MED12L: variants seen among roughly 807,000 people sequenced by gnomAD.
MED12L encodes mediator complex subunit 12L.
Under a neutral mutation model 281.3 loss-of-function variants are expected in MED12L, and 60 were observed. The ratio of observed to expected loss-of-function variants is 0.21; its 90% confidence interval spans 0.17 to 0.26. MED12L has a LOEUF of 0.26. MED12L is among the 10% of genes least tolerant of loss of function. The pLI is 1.00. For synonymous variants in MED12L, 974 were observed against 987.2 expected (o/e 0.99, Z 0.25); for missense variants, 2,146 against 2,680.9 (o/e 0.80, Z 4.41).
rs1260282744 is a variant in MED12L at position 151,086,678 on chromosome 3, G to A, written c.-129-120G>A. ...CTCTAGTCCCTCCGCCGCCGCCACC[G>A]GAGCGGTGCGTCCCGGGGCTCGAGC... On this transcript the variant is annotated intron_variant, in intron 1 of 44. Transcript: ENST00000687756. 1.4e-5 allele frequency: 5 copies of A among 360,182 alleles called. No individual in the cohort carries two copies. The Admixed American group carries it at 1.8e-4, about 13-fold the overall frequency. The allele number at this position is 360,182 out of a possible 1,614,324, so 22.3% of individuals were successfully genotyped here.
chr3:151,289,907 G>A (rs1467427388), intron 16 of MED12L, among the ~76,000 whole-genome samples: 1 of 150,764 alleles, frequency 6.6e-6, no homozygotes, highest in African/African-American at 2.4e-5. Flanking sequence ...TAAAGACAGA[G>A]TCTTGCTCTG....
At chr3:151,238,473 C>T (rs552444682) in intron 16 of MED12L, among the ~76,000 whole-genome samples, 4 of 152,206 alleles carry the variant, frequency 2.6e-5, no homozygotes, top group Non-Finnish European at 5.9e-5. Context: ...AAAATGTGGT[C>T]TGCAGAACCA....
chr3:151,295,710 G>A (rs1744990895), intron 16 of MED12L, among the ~76,000 whole-genome samples: 1 of 152,104 alleles, frequency 6.6e-6, no homozygotes. Flanking sequence ...TAAAACTAGT[G>A]GGTCATTTTG....
intron 16 of MED12L, among the ~76,000 whole-genome samples, chr3:151,283,516 T>C (rs767440623): frequency 1.4e-4 from 22 of 152,268 alleles, no homozygotes; most frequent in Non-Finnish European, 2.8e-4. Context: ...CTTCCTGTTG[T>C]TCCCATTTGC....
intron 16 of MED12L, among the ~76,000 whole-genome samples, chr3:151,249,580 C>T (rs1028216860): frequency 1.3e-5 from 2 of 152,144 alleles, no homozygotes; most frequent in Non-Finnish European, 2.9e-5. Context: ...CTCCTCTAGA[C>T]TTATCCTGGT....
intron 16 of MED12L, among the ~76,000 whole-genome samples, chr3:151,285,678 A>G (rs1363372329): frequency 2.6e-5 from 4 of 151,636 alleles, no homozygotes; most frequent in African/African-American, 7.3e-5. Context: ...CCAAAAACCT[A>G]TTGAAATAAA....
In MED12L at chr3:151,413,155, C is replaced by T; in HGVS notation, c.6157C>T (p.Leu2053=). 6.2e-7 allele frequency: 1 copy of T among 1,613,882 alleles called. No individual in the cohort carries two copies. Among genetic ancestry groups the T allele is most frequent in the Non-Finnish European group, 8.5e-7 (1 of 1,179,766 alleles). ...CTTTGCCAGACTGAACCATCAGGCTCTACAGCAGAGCCCTCTGGTGGGCGG... is the reference window on the plus strand; with the variant it reads ...CTTTGCCAGACTGAACCATCAGGCTTTACAGCAGAGCCCTCTGGTGGGCGG... ...TGSQRLNHQA[L]QQSPLVGGGI... Residue 2053 remains leucine, a synonymous_variant, in exon 42 of 45, where the codon CTA becomes TTA. Coordinates refer to ENST00000687756, the MANE Select transcript of MED12L (RefSeq NM_001393769.1).
intron 5 of MED12L, among the ~76,000 whole-genome samples, chr3:151,131,408 C>T (rs1715373849): frequency 6.6e-6 from 1 of 152,128 alleles, no homozygotes; most frequent in Non-Finnish European, 1.5e-5. Flanking sequence ...TAAGACCAAT[C>T]TAGGCAACAT....
At chr3:151,405,026 C>G (rs112643416) in intron 39 of MED12L, among the ~76,000 whole-genome samples, 7 of 152,146 alleles carry the variant, frequency 4.6e-5, no homozygotes, top group African/African-American at 1.7e-4. Context: ...CAAATTATGC[C>G]AAAAGCCTTT....
chr3:151,309,180 A>G (rs1456952978), intron 16 of MED12L, among the ~76,000 whole-genome samples: 1 of 150,172 alleles, frequency 6.7e-6, no homozygotes, highest in Admixed American at 6.6e-5. Flanking sequence ...AAAGTAATTC[A>G]TACTTCAGTG....
intron 12 of MED12L, among the ~76,000 whole-genome samples, chr3:151,185,733 T>TG (rs1174910061): frequency 6.6e-6 from 1 of 152,122 alleles, no homozygotes; most frequent in Non-Finnish European, 1.5e-5. Context: ...CCTAGTTTTT[T>TG]GGGAGGAGAA....
At chr3:151,395,711 A>G (rs1279527606) in intron 39 of MED12L, among the ~76,000 whole-genome samples, 3 of 152,248 alleles carry the variant, frequency 2.0e-5, no homozygotes, top group African/African-American at 7.2e-5. Flanking sequence ...CTATCTTAAG[A>G]TACCAGGGTA....
intron 16 of MED12L, among the ~76,000 whole-genome samples, chr3:151,322,602 CAG>C (rs1324426741): frequency 6.6e-6 from 1 of 152,150 alleles, no homozygotes; most frequent in African/African-American, 2.4e-5. Flanking sequence ...ACTTCCACCT[CAG>C]AGTTATCGTT....
intron 16 of MED12L, among the ~76,000 whole-genome samples, chr3:151,219,891 A>ACC (rs141293857): frequency 4.7e-4 from 43 of 92,112 alleles, no homozygotes; most frequent in African/African-American, 1.1e-3. Flanking sequence ...GGTTTATATT[A>ACC]CCCCCCCCCC....
At chr3:151,295,918 A>AT (rs1302345135) in intron 16 of MED12L, among the ~76,000 whole-genome samples, 1 of 152,226 alleles carries the variant, frequency 6.6e-6, no homozygotes, top group Non-Finnish European at 1.5e-5. Context: ...CCTTAGTAGA[A>AT]TTTAAGTTGC....
chr3:151,329,203 G>C (rs899300964), intron 16 of MED12L, among the ~76,000 whole-genome samples: 1 of 152,014 alleles, frequency 6.6e-6, no homozygotes, highest in Admixed American at 6.6e-5. Context: ...ATACATTTTT[G>C]GTACTTTTAA....
chr3:151,297,372 A>G lies in MED12L; in HGVS notation c.2251-52687A>G, dbSNP rs555987915. Among the ~76,000 whole-genome samples the G allele has an allele frequency of 3.3e-5, 5 of 152,284 alleles. No individual in the cohort carries two copies. In the South Asian group the frequency reaches 6.2e-4, roughly 19 times the overall value. ...ATGTCTGCTTGAATTAATTTACCCA[A>G]TTAAATGATTAGCAGTCACTTTCAT... On this transcript the variant is annotated intron_variant, in intron 16 of 44. Coordinates refer to ENST00000687756, the MANE Select transcript of MED12L (RefSeq NM_001393769.1).
chr3:151,388,412 T>C (rs888039650), intron 37 of MED12L, among the ~76,000 whole-genome samples: 1 of 152,264 alleles, frequency 6.6e-6, no homozygotes, highest in Non-Finnish European at 1.5e-5. Flanking sequence ...TAGGCTTCCA[T>C]TGTAATATTT....
rs189389281 is a variant in MED12L at position 151,179,835 on chromosome 3, T to A, written c.1495-5495T>A. 1.6e-3 allele frequency among the ~76,000 whole-genome samples: 238 copies of A among 152,316 alleles called. 1 individual carries two copies. Among genetic ancestry groups the A allele is most frequent in the African/African-American group, 5.6e-3 (231 of 41,568 alleles). On this transcript the variant is annotated intron_variant, in intron 11 of 44. Coordinates refer to ENST00000687756, the MANE Select transcript of MED12L (RefSeq NM_001393769.1). ...AAAAACAAACCAAAAATTTTCATAG[T>A]TCCATTGCTGAAGACATTCAATCTG...
Sources: gnomAD v4.1 joint callset for allele counts (sites outside exome capture counted in the v4.1 genomes callset) on GRCh38, gnomAD v4.1.1 for gene constraint, MANE v1.5 for transcripts, NCBI Gene and HGNC (gene_info 2026-07-23, HGNC 2026-07-21) for gene names.